ADK: variants seen among roughly 807,000 people sequenced by gnomAD.
The protein encoded by ADK is adenosine kinase.
ADK carries 24 observed loss-of-function variants against 44.7 expected under a neutral mutation model. The observed-to-expected ratio is 0.54, with a 90% CI of 0.39 to 0.76. The LOEUF (loss-of-function observed/expected upper bound fraction) is 0.76. Among genes scored for constraint, ADK ranks in the 30% least tolerant of loss-of-function variants. ADK has a pLI of 0.00. For missense variants in ADK, 321 were observed against 425.1 expected (o/e 0.76, Z 2.15); for synonymous variants, 128 against 142.6 (o/e 0.90, Z 0.73).
Position 74,574,809 on chromosome 10 carries a change from GAAACTGTTAATGCAT to G in ADK, c.727-14471_727-14457del, listed in dbSNP as rs1410076945. ...TAGTCAGATCTTTGCTACCATCCCT[GAAACTGTTAATGCAT>G]ATGAGTAGAAAAATTTTTTACCTTT... On this transcript the variant is annotated intron_variant, in intron 7 of 10. Coordinates refer to ENST00000539909, the MANE Select transcript of ADK (RefSeq NM_006721.4). 2.0e-5 allele frequency among the ~76,000 whole-genome samples: 3 copies of G among 152,254 alleles called. No homozygotes were observed. In the East Asian group the frequency reaches 5.8e-4, roughly 29 times the overall value.
intron 6 of ADK, among the ~76,000 whole-genome samples, chr10:74,497,169 C>T (rs1025942813): frequency 6.6e-6 from 1 of 152,100 alleles, no homozygotes; most frequent in Non-Finnish European, 1.5e-5. Flanking sequence ...TGCTTTGTCC[C>T]AAAAAATAAT....
intron 6 of ADK, among the ~76,000 whole-genome samples, chr10:74,522,191 T>G (rs1451380699): frequency 6.6e-6 from 1 of 152,184 alleles, no homozygotes; most frequent in African/African-American, 2.4e-5. Flanking sequence ...TGTATTTTTA[T>G]GCGAAGTCTG....
intron 3 of ADK, among the ~76,000 whole-genome samples, chr10:74,303,201 T>C (rs1330525643): frequency 6.6e-6 from 1 of 152,192 alleles, no homozygotes; most frequent in Non-Finnish European, 1.5e-5. Flanking sequence ...TACAAAAGGA[T>C]TATTGACACT....
At chr10:74,346,519 GACA>G (rs1841770425) in intron 4 of ADK, among the ~76,000 whole-genome samples, 1 of 151,952 alleles carries the variant, frequency 6.6e-6, no homozygotes. Context: ...AAACCAGAAA[GACA>G]ACACTAGAAT....
chr10:74,630,518 T>G (rs1853373431), intron 9 of ADK, among the ~76,000 whole-genome samples: 1 of 152,166 alleles, frequency 6.6e-6, no homozygotes, highest in African/African-American at 2.4e-5. Context: ...GACTGATGTT[T>G]CCCTGTGATA....
intron 4 of ADK, among the ~76,000 whole-genome samples, chr10:74,323,007 A>C (rs974327645): frequency 6.6e-6 from 1 of 152,220 alleles, no homozygotes; most frequent in Non-Finnish European, 1.5e-5. Flanking sequence ...AGAATGACAT[A>C]TCTCTACTCT....
At chr10:74,471,358 G>C (rs1846584055) in intron 6 of ADK, among the ~76,000 whole-genome samples, 1 of 152,156 alleles carries the variant, frequency 6.6e-6, no homozygotes, top group South Asian at 2.1e-4. Context: ...ACAGGCTTGA[G>C]CCACCATGCC....
At chr10:74,355,608 G>C (rs1421100867) in intron 4 of ADK, among the ~76,000 whole-genome samples, 2 of 152,178 alleles carry the variant, frequency 1.3e-5, no homozygotes, top group African/African-American at 4.8e-5. Context: ...CATTTTCAGA[G>C]ACTGAACAGA....
rs553980109 is a variant in ADK, at chr10:74,474,410, G to A, written c.556-50846G>A. Among the ~76,000 whole-genome samples the A allele has an allele frequency of 5.3e-4, 81 of 152,138 alleles. No individual in the cohort carries two copies. The South Asian group carries it at 6.2e-3, about 12-fold the overall frequency. The stretch of plus-strand genomic sequence containing the variant: ...GACCCACCACACCTACTCTGTATTC[G>A]TTTTTTACAAATTCAGTAGTCTTTT... On this transcript the variant is annotated intron_variant, in intron 6 of 10. Coordinates refer to ENST00000539909, the MANE Select transcript of ADK (RefSeq NM_006721.4).
intron 3 of ADK, among the ~76,000 whole-genome samples, chr10:74,225,886 C>A (rs906392701): frequency 2.0e-5 from 3 of 152,086 alleles, no homozygotes; most frequent in Non-Finnish European, 4.4e-5. Context: ...GGTAACAGAG[C>A]TTCTTTTGCT....
At chr10:74,271,603 C>T (rs1163807674) in intron 3 of ADK, among the ~76,000 whole-genome samples, 1 of 73,264 alleles carries the variant, frequency 1.4e-5, no homozygotes, top group Non-Finnish European at 2.6e-5. Context: ...TGATGTTCCC[C>T]TTCCTGTGTC....
chr10:74,496,207 A>G (rs1448991297), intron 6 of ADK, among the ~76,000 whole-genome samples: 1 of 152,174 alleles, frequency 6.6e-6, no homozygotes, highest in South Asian at 2.1e-4. Flanking sequence ...CCTGGGCTCA[A>G]GCAATCCTCC....
chr10:74,554,407 A>T (rs1247646856), intron 7 of ADK, among the ~76,000 whole-genome samples: 1 of 152,144 alleles, frequency 6.6e-6, no homozygotes, highest in African/African-American at 2.4e-5. Context: ...ATACATATGT[A>T]TATCATGAAT....
intron 4 of ADK, among the ~76,000 whole-genome samples, chr10:74,367,593 A>G (rs1274890439): frequency 6.6e-6 from 1 of 152,164 alleles, no homozygotes; most frequent in Non-Finnish European, 1.5e-5. Context: ...CAAAACCAGT[A>G]CTCGGTGCTT....
At chr10:74,312,123 G>A (rs893707894) in intron 3 of ADK, among the ~76,000 whole-genome samples, 2 of 152,140 alleles carry the variant, frequency 1.3e-5, no homozygotes, top group East Asian at 1.9e-4. Flanking sequence ...CCGAGATCGC[G>A]CCAGTGCACT....
At chr10:74,226,480 A>C (rs1226731937) in intron 3 of ADK, among the ~76,000 whole-genome samples, 1 of 152,226 alleles carries the variant, frequency 6.6e-6, no homozygotes, top group African/African-American at 2.4e-5. Context: ...CCAAGGTTTT[A>C]TCATTAACAT....
At chr10:74,151,682 G>T (rs1298876581) in intron 1 of ADK, among the ~76,000 whole-genome samples, 2 of 152,206 alleles carry the variant, frequency 1.3e-5, no homozygotes, top group African/African-American at 2.4e-5. Context: ...GTCTGTAGGC[G>T]GCCGCCTTCT....
chr10:74,355,744 C>G (rs1842115745), intron 4 of ADK, among the ~76,000 whole-genome samples: 1 of 152,078 alleles, frequency 6.6e-6, no homozygotes, highest in Non-Finnish European at 1.5e-5. Context: ...GACAATTGGT[C>G]TGTATCTTTT....
intron 2 of ADK, among the ~76,000 whole-genome samples, chr10:74,202,379 T>C (rs1363674906): frequency 6.6e-6 from 1 of 152,184 alleles, no homozygotes; most frequent in Non-Finnish European, 1.5e-5. Context: ...GACACTTATG[T>C]TGTTTTTATT....
Sources: gnomAD v4.1 joint callset for allele counts (sites outside exome capture counted in the v4.1 genomes callset) on GRCh38, gnomAD v4.1.1 for gene constraint, MANE v1.5 for transcripts, NCBI Gene and HGNC (gene_info 2026-07-23, HGNC 2026-07-21) for gene names.